Variants in CCBE1 observed in about 807,000 individuals in gnomAD.
CCBE1 encodes the protein collagen and calcium-binding EGF domain-containing protein 1.
A neutral mutation model predicts 50.0 loss-of-function variants in CCBE1; 37 were observed. The observed-to-expected ratio is 0.74, with a 90% CI of 0.57 to 0.97. CCBE1 has a LOEUF of 0.97. CCBE1 is among the 50% of genes least tolerant of loss of function. CCBE1 has a pLI of 0.00. For missense variants in CCBE1, 538 were observed against 523.8 expected, an observed-to-expected ratio of 1.03 and a Z score of -0.26; for synonymous variants, 234 against 203.7, an observed-to-expected ratio of 1.15 and a Z score of -1.27.
chr18:59,500,087 T>C (rs941629283), intron 2 of CCBE1, among the ~76,000 whole-genome samples: 1 of 152,082 alleles, frequency 6.6e-6, no homozygotes, highest in Admixed American at 6.6e-5. Context: ...AAAAGATAAG[T>C]CCCAGAGGAA....
intron 2 of CCBE1, among the ~76,000 whole-genome samples, chr18:59,558,493 A>G (rs546280829): frequency 2.2e-4 from 34 of 152,360 alleles, no homozygotes; most frequent in South Asian, 8.3e-4. Flanking sequence ...TTTAGAGCAC[A>G]TGTGTATAAC....
At chr18:59,482,986 T>C (rs745667857) in intron 2 of CCBE1, among the ~76,000 whole-genome samples, 13 of 152,128 alleles carry the variant, frequency 8.5e-5, no homozygotes, top group Non-Finnish European at 1.6e-4. Context: ...GCATGCTTTC[T>C]AGGAAGAGAA....
At chr18:59,679,574 G>A (rs528501431) in intron 2 of CCBE1, among the ~76,000 whole-genome samples, 1 of 152,142 alleles carries the variant, frequency 6.6e-6, no homozygotes, top group African/African-American at 2.4e-5. Context: ...TCTGAAAACT[G>A]TTCATAATTA....
chr18:59,559,061 C>A lies in CCBE1; in HGVS notation c.213-78823G>T, dbSNP rs138860615. Among the ~76,000 whole-genome samples, 526 of 152,264 alleles carry A rather than the reference C, an allele frequency of 3.5e-3. 3 individuals are homozygous for A. Among genetic ancestry groups the A allele is most frequent in the African/African-American group, 0.012 (495 of 41,538 alleles). Reference sequence around the variant, plus strand: ...GGATGAGGTGAGTGGGTCTTCAGTCCCTGAGGGCTCCTAGGTTAGCTGTGT... The same window carrying A: ...GGATGAGGTGAGTGGGTCTTCAGTCACTGAGGGCTCCTAGGTTAGCTGTGT... On this transcript the variant is annotated intron_variant, in intron 2 of 10. Transcript: ENST00000439986.
At position 59,435,878 on chromosome 18, in the gene CCBE1, C is replaced by T. The variant is rs765991236; in HGVS notation, c.*30G>A. The T allele has an allele frequency of 5.7e-6, 9 of 1,589,304 alleles. No homozygotes were observed. The African/African-American group carries it at 9.4e-5, about 17-fold the overall frequency. ...TAACTGCAGGTGAGTTGATCTTTCT[C>T]TTCCTTTGGCGTGACGGTGTTGGGA... On this transcript the variant is annotated 3_prime_UTR_variant, in exon 11 of 11. Transcript: ENST00000439986.
chr18:59,477,385 C>T (rs750062568), intron 3 of CCBE1, among the ~76,000 whole-genome samples: 3 of 152,066 alleles, frequency 2.0e-5, no homozygotes, highest in Admixed American at 6.6e-5. Flanking sequence ...CACGATCAGG[C>T]GAGGTGCTTG....
At chr18:59,448,172 G>T in intron 6 of CCBE1, 69 bp from the exon 7 acceptor site, 3 of 1,603,378 alleles carry the variant, frequency 1.9e-6, no homozygotes, top group Non-Finnish European at 1.7e-6. Flanking sequence ...TTGTCTTGGT[G>T]GGAGAAGCTG....
At chr18:59,462,717 G>T (rs1057230926) in intron 5 of CCBE1, among the ~76,000 whole-genome samples, 1 of 151,926 alleles carries the variant, frequency 6.6e-6, no homozygotes, top group Non-Finnish European at 1.5e-5. Flanking sequence ...ATCTCTCTGG[G>T]CTTTTAGTGC....
intron 2 of CCBE1, among the ~76,000 whole-genome samples, chr18:59,584,755 G>T (rs1421969680): frequency 6.6e-6 from 1 of 152,162 alleles, no homozygotes; most frequent in Non-Finnish European, 1.5e-5. Context: ...GGCCTCCCCA[G>T]AAGCAGAAGC....
At chr18:59,695,454 G>A (rs1309082557) in intron 2 of CCBE1, among the ~76,000 whole-genome samples, 1 of 152,084 alleles carries the variant, frequency 6.6e-6, no homozygotes, top group Non-Finnish European at 1.5e-5. Context: ...CAAGAGAAAG[G>A]AGCCTTTCCT....
At chr18:59,478,949 A>C (rs560617026) in intron 3 of CCBE1, among the ~76,000 whole-genome samples, 1 of 152,338 alleles carries the variant, frequency 6.6e-6, no homozygotes, top group South Asian at 2.1e-4. Flanking sequence ...ATTCCCAGCC[A>C]GCCTTCCTAT....
chr18:59,549,445 G>A lies in CCBE1; in HGVS notation c.213-69207C>T, dbSNP rs574966724. On this transcript the variant is annotated intron_variant, in intron 2 of 10. Transcript: ENST00000439986. ...AAAAACAGGTCCCCCAACGCCAACCGAATTAAGAGCGTCTAATATTTTATT... is the reference window on the plus strand; with the variant it reads ...AAAAACAGGTCCCCCAACGCCAACCAAATTAAGAGCGTCTAATATTTTATT... Among the ~76,000 whole-genome samples the A allele has an allele frequency of 2.0e-4, 31 of 152,254 alleles. No individual in the cohort carries two copies. In the South Asian group the frequency reaches 4.8e-3, roughly 23 times the overall value.
At chr18:59,663,160 A>G (rs570946102) in intron 2 of CCBE1, among the ~76,000 whole-genome samples, 3 of 152,368 alleles carry the variant, frequency 2.0e-5, no homozygotes, top group Admixed American at 6.5e-5. Context: ...ATCATGGAGC[A>G]ATTGCTGAGA....
At chr18:59,505,705 T>C (rs890248896) in intron 2 of CCBE1, among the ~76,000 whole-genome samples, 2 of 152,174 alleles carry the variant, frequency 1.3e-5, no homozygotes, top group African/African-American at 4.8e-5. Flanking sequence ...ATAGCAGAAA[T>C]TTAGGCTAAA....
intron 2 of CCBE1, among the ~76,000 whole-genome samples, chr18:59,581,439 C>CA (rs10676136): frequency 0.44 from 58,672 of 133,026 alleles, 12,861 homozygotes; most frequent in East Asian, 0.6. Context: ...GACTCCATCT[C>CA]AAAAAAAAAA....
intron 5 of CCBE1, among the ~76,000 whole-genome samples, chr18:59,461,807 A>T (rs1400018442): frequency 7.4e-6 from 1 of 135,226 alleles, no homozygotes; most frequent in Non-Finnish European, 1.5e-5. Flanking sequence ...ATCTCGGCTC[A>T]CTGCAACCTC....
chr18:59,660,550 C>T (rs1472034995), intron 2 of CCBE1, among the ~76,000 whole-genome samples: 2 of 152,096 alleles, frequency 1.3e-5, no homozygotes, highest in Non-Finnish European at 2.9e-5. Flanking sequence ...TAAGTTTAAG[C>T]ATTTGTTGTA....
intron 2 of CCBE1, among the ~76,000 whole-genome samples, chr18:59,512,942 G>A (rs1440391962): frequency 2.0e-5 from 3 of 152,144 alleles, no homozygotes; most frequent in African/African-American, 7.2e-5. Context: ...TCTACGACAG[G>A]AGGGAAAAAA....
intron 2 of CCBE1, among the ~76,000 whole-genome samples, chr18:59,658,879 CA>C (rs61226521): frequency 0.19 from 10,501 of 54,120 alleles, 185 homozygotes; most frequent in Middle Eastern, 0.29. Flanking sequence ...GACTCTGTCT[CA>C]AAAAAAAAAA....
Sources: gnomAD v4.1 joint callset for allele counts (sites outside exome capture counted in the v4.1 genomes callset) on GRCh38, gnomAD v4.1.1 for gene constraint, MANE v1.5 for transcripts, NCBI Gene and HGNC (gene_info 2026-07-23, HGNC 2026-07-21) for gene names.